PTPRJ: variants seen among roughly 807,000 people sequenced by gnomAD.
PTPRJ encodes the protein protein tyrosine phosphatase receptor type J.
PTPRJ carries 129 observed loss-of-function variants against 141.3 expected under a neutral mutation model. That is an observed-to-expected ratio of 0.91 (90% CI 0.79 to 1.06). PTPRJ has a LOEUF of 1.06. Ranked by LOEUF, PTPRJ falls within the 50% of genes least tolerant of loss-of-function variation. The pLI, the probability that PTPRJ is intolerant of heterozygous loss-of-function variation, is 0.00. For synonymous variants in PTPRJ, 610 were observed against 640.5 expected (o/e 0.95, Z 0.72); for missense variants, 1,601 against 1,679.7 (o/e 0.95, Z 0.82).
rs571460742 is a variant in PTPRJ, at chr11:48,024,014, A to T, written c.96+43006A>T. Among the ~76,000 whole-genome samples the T allele has an allele frequency of 6.0e-4, 91 of 151,920 alleles. 1 individual carries two copies. In the East Asian group the frequency reaches 0.013, roughly 22 times the overall value. On this transcript the variant is annotated intron_variant, in intron 1 of 24. Coordinates refer to ENST00000418331, the MANE Select transcript of PTPRJ (RefSeq NM_002843.4). The stretch of plus-strand genomic sequence containing the variant: ...AAGTGAAAAAATAAAAATATATATA[A>T]AAAAAGGAAAACCTAGTGTTAGCAC...
chr11:48,130,601 C>G lies in PTPRJ; in HGVS notation c.1500C>G (p.Thr500=). ...GAGNSRVEIT[T]NQSIIIGGLF... The stretch of plus-strand genomic sequence containing the variant: ...GCAATTCTCGGGTAGAAATAACCAC[C>G]AACCAAAGTATTATCATTGGTGGCT... The change falls in exon 8 of 25, where the codon ACC becomes ACG. Residue 500 remains threonine (T), a synonymous_variant. Coordinates refer to ENST00000418331, the MANE Select transcript of PTPRJ (RefSeq NM_002843.4). 6.2e-7 allele frequency: 1 copy of G among 1,614,074 alleles called. No homozygotes were observed. Among genetic ancestry groups the G allele is most frequent in the South Asian group, 1.1e-5 (1 of 91,066 alleles).
chr11:48,031,610 C>A (rs1590419540), intron 1 of PTPRJ, among the ~76,000 whole-genome samples: 1 of 152,284 alleles, frequency 6.6e-6, no homozygotes, highest in East Asian at 1.9e-4. Context: ...TGTGGTCCAG[C>A]CTGAGTCTGG....
chr11:48,128,010 G>A lies in PTPRJ; in HGVS notation c.1324G>A (p.Glu442Lys), dbSNP rs772635514. 1.7e-5 allele frequency: 28 copies of A among 1,613,522 alleles called. No individual in the cohort carries two copies. Among genetic ancestry groups the A allele is most frequent in the South Asian group, 6.6e-5 (6 of 91,084 alleles). Residue 442 changes from glutamate to lysine, a missense_variant, in exon 7 of 25, where the codon GAG becomes AAG. Transcript: ENST00000418331. ...ITVCPVLGDIEGTPGFLQVHT... is the reference protein window; with the variant it reads ...ITVCPVLGDIKGTPGFLQVHT... ...AGTGTGTCCTGTCCTAGGTGACATC[G>A]AGGGCACGCCGGGCTTCCTCCAAGT...
chr11:47,987,365 T>A lies in PTPRJ; in HGVS notation c.96+6357T>A, dbSNP rs879618726. Among the ~76,000 whole-genome samples the A allele has an allele frequency of 5.9e-5, 9 of 152,050 alleles. No homozygotes were observed. In the South Asian group the frequency reaches 1.0e-3, roughly 18 times the overall value. On this transcript the variant is annotated intron_variant, in intron 1 of 24. Transcript: ENST00000418331. ...TAAAAAGTTGGTCTAAAGAAAAACA[T>A]TGGGTAAATAATTATGTGAGTATGA...
At chr11:48,130,934 AT>A (rs2134352265) in intron 8 of PTPRJ, among the ~76,000 whole-genome samples, 1 of 151,028 alleles carries the variant, frequency 6.6e-6, no homozygotes, top group Non-Finnish European at 1.5e-5. Flanking sequence ...ATCACTTTTG[AT>A]GTATGACATT....
chr11:48,049,837 T>C (rs1854515892), intron 1 of PTPRJ, among the ~76,000 whole-genome samples: 1 of 152,202 alleles, frequency 6.6e-6, no homozygotes, highest in South Asian at 2.1e-4. Context: ...GGGTAACCTT[T>C]CATCATGAAA....
At chr11:48,108,720 G>A (rs1168623813) in intron 1 of PTPRJ, among the ~76,000 whole-genome samples, 1 of 152,146 alleles carries the variant, frequency 6.6e-6, no homozygotes, top group Non-Finnish European at 1.5e-5. Context: ...TTGAGGCTCA[G>A]CCTAGATTAA....
chr11:48,125,418 G>A (rs1388599790), intron 6 of PTPRJ, among the ~76,000 whole-genome samples: 4 of 152,158 alleles, frequency 2.6e-5, no homozygotes, highest in South Asian at 2.1e-4. Flanking sequence ...CCCTGTGTGC[G>A]GGCACCAGGC....
intron 12 of PTPRJ, among the ~76,000 whole-genome samples, chr11:48,144,363 C>T (rs1857302874): frequency 6.6e-6 from 1 of 152,200 alleles, no homozygotes; most frequent in Non-Finnish European, 1.5e-5. Flanking sequence ...AGCCCGATGC[C>T]CTGGATTGGG....
chr11:47,989,810 A>G (rs1417396652), intron 1 of PTPRJ, among the ~76,000 whole-genome samples: 2 of 152,126 alleles, frequency 1.3e-5, no homozygotes, highest in Non-Finnish European at 2.9e-5. Context: ...AGGGTGGTGA[A>G]GAGAGCATAG....
intron 1 of PTPRJ, among the ~76,000 whole-genome samples, chr11:48,016,641 A>G (rs1277473824): frequency 6.6e-6 from 1 of 152,014 alleles, no homozygotes; most frequent in Non-Finnish European, 1.5e-5. Context: ...TGTGGGCCCT[A>G]ATTTCTGCCC....
At chr11:48,089,112 T>G (rs1855792866) in intron 1 of PTPRJ, among the ~76,000 whole-genome samples, 1 of 152,248 alleles carries the variant, frequency 6.6e-6, no homozygotes, top group African/African-American at 2.4e-5. Context: ...GGTTATTTAT[T>G]CATACCAACA....
intron 8 of PTPRJ, among the ~76,000 whole-genome samples, chr11:48,134,290 C>G (rs1236738792): frequency 1.3e-5 from 2 of 152,094 alleles, no homozygotes; most frequent in African/African-American, 2.4e-5. Context: ...ACAACTTTCC[C>G]CTATAGTTAG....
At chr11:48,122,811 A>G (rs1486848198) in intron 4 of PTPRJ, among the ~76,000 whole-genome samples, 1 of 152,164 alleles carries the variant, frequency 6.6e-6, no homozygotes, top group Non-Finnish European at 1.5e-5. Context: ...AGAATCATCT[A>G]GGCCGATGTC....
intron 1 of PTPRJ, among the ~76,000 whole-genome samples, chr11:48,106,280 G>A (rs1856285972): frequency 6.6e-6 from 1 of 152,096 alleles, no homozygotes. Flanking sequence ...AAAAATACAC[G>A]GCCGTAGATA....
chr11:48,152,583 C>A (rs889039459), intron 18 of PTPRJ, among the ~76,000 whole-genome samples: 1 of 152,190 alleles, frequency 6.6e-6, no homozygotes, highest in African/African-American at 2.4e-5. Flanking sequence ...GGTTTTAGGT[C>A]TGACATTTAA....
intron 1 of PTPRJ, among the ~76,000 whole-genome samples, chr11:47,987,095 C>T (rs1057019491): frequency 6.6e-6 from 1 of 151,996 alleles, no homozygotes; most frequent in Admixed American, 6.6e-5. Flanking sequence ...GTGGTCCCAC[C>T]TACTTGAGAG....
chr11:48,065,004 CTTT>C (rs61139660), intron 1 of PTPRJ, among the ~76,000 whole-genome samples: 1,517 of 116,914 alleles, frequency 0.013, 20 homozygotes, highest in African/African-American at 0.055. Flanking sequence ...CCTCAACTAC[CTTT>C]TTTTTTTTTT....
chr11:48,160,050 G>C lies in PTPRJ; in HGVS notation c.3558+1G>C. ...CATCAGAGATTTCACAGTGAAAAAT[G>C]TAAGTAAGAAGTCAGGATCAGTTGA... On this transcript the variant is annotated splice_donor_variant, in intron 22 of 24. Coordinates refer to ENST00000418331, the MANE Select transcript of PTPRJ (RefSeq NM_002843.4). LOFTEE classifies it high-confidence loss of function. The C allele has an allele frequency of 6.2e-7, 1 of 1,613,744 alleles. No homozygotes were observed. The highest frequency in any genetic ancestry group is 8.5e-7 in the Non-Finnish European group (1 of 1,179,740).
Sources: allele counts gnomAD v4.1 joint callset (sites outside exome capture counted in the v4.1 genomes callset), GRCh38; gene constraint gnomAD v4.1.1; transcripts MANE v1.5; gene names NCBI Gene and HGNC (gene_info 2026-07-23, HGNC 2026-07-21).